ACACB: variants seen among roughly 807,000 people sequenced by gnomAD.
ACACB encodes the protein acetyl-CoA carboxylase beta, also known as acetyl-CoA carboxylase 2.
A neutral mutation model predicts 278.8 loss-of-function variants in ACACB; 209 were observed. That is an observed-to-expected ratio of 0.75 (90% CI 0.67 to 0.84). The LOEUF (loss-of-function observed/expected upper bound fraction) is 0.84. Among genes scored for constraint, ACACB ranks in the 40% least tolerant of loss-of-function variants. The pLI, the probability that ACACB is intolerant of heterozygous loss-of-function variation, is 0.00. For missense variants in ACACB, 2,850 were observed against 3,269.0 expected (o/e 0.87, Z 3.13); for synonymous variants, 1,174 against 1,285.6 (o/e 0.91, Z 1.86).
chr12:109,201,586 C>T lies in ACACB; in HGVS notation c.2798C>T (p.Thr933Ile). 6.2e-7 allele frequency: 1 copy of T among 1,614,152 alleles called. No homozygotes were observed. Among genetic ancestry groups the T allele is most frequent in the African/African-American group, 1.3e-5 (1 of 75,040 alleles). ...AEMEVMKMIM[T>I]LNVQERGRVK... ...AAATAGGTGATGAAGATGATCATGA[C>T]CCTGAACGTTCAGGAAAGAGGCCGG... is the stretch of plus-strand genomic sequence containing the variant. Residue 933 changes from threonine (T) to isoleucine (I), a missense_variant, in exon 19 of 53, where the codon ACC becomes ATC. Coordinates refer to ENST00000338432, the MANE Select transcript of ACACB (RefSeq NM_001093.4).
At chr12:109,183,407 A>G (rs1232043504) in intron 11 of ACACB, among the ~76,000 whole-genome samples, 1 of 152,172 alleles carries the variant, frequency 6.6e-6, no homozygotes, top group Non-Finnish European at 1.5e-5. Context: ...ATTCTTCCAA[A>G]CCATGAACAT....
chr12:109,133,168 A>C (rs2042873910), intron 1 of ACACB, among the ~76,000 whole-genome samples: 1 of 152,206 alleles, frequency 6.6e-6, no homozygotes, highest in African/African-American at 2.4e-5. Context: ...GAATCAATGT[A>C]AACAATGTAT....
At chr12:109,242,619 C>T (rs777720862) in intron 37 of ACACB, 27 bp downstream of exon 37, 2 of 1,611,590 alleles carry the variant, frequency 1.2e-6, no homozygotes, top group Non-Finnish European at 1.7e-6. Context: ...AGACGCGGTA[C>T]CCCCTGGGTC....
At chr12:109,112,849 A>G (rs2042336231), upstream of ACACB, among the ~76,000 whole-genome samples, 1 of 152,144 alleles carries the variant, frequency 6.6e-6, no homozygotes, top group African/African-American at 2.4e-5. Flanking sequence ...GCGGTTGGCA[A>G]ACTTTCTGTG....
At chr12:109,244,204 A>G (rs539545757) in intron 37 of ACACB, among the ~76,000 whole-genome samples, 6 of 152,204 alleles carry the variant, frequency 3.9e-5, no homozygotes, top group Admixed American at 6.5e-5. Context: ...AGGACCTTCC[A>G]GTGTAGGCAG....
intron 28 of ACACB, among the ~76,000 whole-genome samples, chr12:109,230,080 G>GGT (rs939686383): frequency 3.3e-5 from 5 of 152,176 alleles, no homozygotes; most frequent in African/African-American, 1.2e-4. Context: ...TTGGGAGTTC[G>GGT]GTTGATCAGA....
At chr12:109,194,374 T>G (rs2045019349) in intron 16 of ACACB, among the ~76,000 whole-genome samples, 1 of 152,174 alleles carries the variant, frequency 6.6e-6, no homozygotes, top group African/African-American at 2.4e-5. Flanking sequence ...TTTTGTATTT[T>G]TAGTAGAAAT....
At chr12:109,221,011 C>G (rs1159390837) in intron 24 of ACACB, among the ~76,000 whole-genome samples, 1 of 152,170 alleles carries the variant, frequency 6.6e-6, no homozygotes, top group Non-Finnish European at 1.5e-5. Flanking sequence ...ACCAGTCTAG[C>G]TGCTGGCCAG....
chr12:109,207,202 C>T (rs577770647), intron 20 of ACACB, among the ~76,000 whole-genome samples: 5 of 152,314 alleles, frequency 3.3e-5, no homozygotes, highest in Admixed American at 2.0e-4. Context: ...GTGATCCATC[C>T]GCCTGGGCCT....
At chr12:109,191,789 C>T (rs201703368) in intron 14 of ACACB, 26 bp downstream of exon 14, 7 of 1,613,984 alleles carry the variant, frequency 4.3e-6, no homozygotes, top group East Asian at 2.2e-5. Context: ...CCTGTGTCTC[C>T]CCTCTGGATG....
At chr12:109,175,239 C>G (rs1374324233) in intron 7 of ACACB, among the ~76,000 whole-genome samples, 1 of 151,876 alleles carries the variant, frequency 6.6e-6, no homozygotes, top group Non-Finnish European at 1.5e-5. Flanking sequence ...TTTCCCCCCC[C>G]AAAAGTTGAA....
At chr12:109,247,504 GTTA>G in intron 39 of ACACB, 99 bp from the exon 40 acceptor site, 2 of 778,628 alleles carry the variant, frequency 2.6e-6, no homozygotes, top group South Asian at 1.6e-5. Context: ...TTACTAACAT[GTTA>G]TTAACATCCA....
chr12:109,210,216 CACACATGTGTGTATATGTATATATGTAT>C (rs2045726589), intron 21 of ACACB, among the ~76,000 whole-genome samples: 2 of 55,568 alleles, frequency 3.6e-5, no homozygotes, highest in East Asian at 5.4e-4. Context: ...TGTATATATA[CACACATGTGTGTATATGTATATATGTAT>C]ATATACACAC....
chr12:109,195,648 A>G (rs2045096308), intron 16 of ACACB, among the ~76,000 whole-genome samples: 3 of 152,206 alleles, frequency 2.0e-5, no homozygotes, highest in African/African-American at 7.2e-5. Flanking sequence ...TTAATTTTAC[A>G]AAGTTGAGAT....
Position 109,188,157 on chromosome 12 carries a change from C to A in ACACB, c.2139C>A (p.Ala713=), listed in dbSNP as rs142750845. Residue 713 remains alanine (A), a synonymous_variant, in exon 13 of 53, where the codon GCC becomes GCA. Coordinates refer to ENST00000338432, the MANE Select transcript of ACACB (RefSeq NM_001093.4). Reference sequence around the variant, plus strand: ...CCTGGGGAGAGAACCGGGAAGAGGCCATTTCGTCAGTATCTCCTTCCTTCC... The same window carrying A: ...CCTGGGGAGAGAACCGGGAAGAGGCAATTTCGTCAGTATCTCCTTCCTTCC... ...CFSWGENREE[A]ISNMVVALKE... 13 of 1,597,108 alleles carry A rather than the reference C, an allele frequency of 8.1e-6. No individual in the cohort carries two copies. In the African/African-American group the frequency reaches 1.7e-4, roughly 21 times the overall value.
At position 109,246,335 on chromosome 12, in the gene ACACB, G is replaced by A. The variant is rs2046944235; in HGVS notation, c.5458G>A (p.Glu1820Lys). The A allele has an allele frequency of 2.5e-6, 4 of 1,612,904 alleles. No homozygotes were observed. Among genetic ancestry groups the A allele is most frequent in the Non-Finnish European group, 3.4e-6 (4 of 1,179,842 alleles). ...GCGGGCATCCGAGATGGCCCGGGCA[G>A]AGGGCATTCCCAAAATTTACGTGGC... Reference protein sequence around the residue: ...YLRASEMARAEGIPKIYVAAN... With the variant: ...YLRASEMARAKGIPKIYVAAN... Residue 1820 changes from glutamate to lysine, a missense_variant, in exon 39 of 53, where the codon GAG becomes AAG. Glu to Lys is a moderately conservative substitution (Grantham distance 56). Around this residue, in one of 3 missense-constraint regions of ACACB, gnomAD observed 2,265 missense variants for 2,561.3 expected, o/e 0.88. Coordinates refer to ENST00000338432, the MANE Select transcript of ACACB (RefSeq NM_001093.4).
chr12:109,202,185 G>C (rs2045356119), intron 19 of ACACB, among the ~76,000 whole-genome samples: 1 of 150,966 alleles, frequency 6.6e-6, no homozygotes, highest in African/African-American at 2.4e-5. Flanking sequence ...CTTTTTAATA[G>C]ACTTAATTTT....
At chr12:109,208,917 A>C (rs2239608) in intron 20 of ACACB, among the ~76,000 whole-genome samples, 51,774 of 152,014 alleles carry the variant, frequency 0.34, 9,388 homozygotes, top group African/African-American at 0.47. Flanking sequence ...TTGATCCCCC[A>C]CACCATGCTG....
intron 44 of ACACB, among the ~76,000 whole-genome samples, chr12:109,254,973 C>T (rs1256644076): frequency 6.6e-6 from 1 of 152,040 alleles, no homozygotes; most frequent in Admixed American, 6.6e-5. Context: ...CGGAGTTTCA[C>T]CATGTTGGCC....
Sources: allele counts gnomAD v4.1 joint callset (sites outside exome capture counted in the v4.1 genomes callset), GRCh38; gene constraint gnomAD v4.1.1; regional missense constraint gnomAD v4.1.1; transcripts MANE v1.5; gene names NCBI Gene and HGNC (gene_info 2026-07-23, HGNC 2026-07-21).